Variants in GSDMC observed in about 807,000 individuals in gnomAD.
GSDMC encodes gasdermin-C.
Under a neutral mutation model 58.0 loss-of-function variants are expected in GSDMC, and 59 were observed. The ratio of observed to expected loss-of-function variants is 1.02; its 90% CI spans 0.82 to 1.26. The LOEUF is 1.26. Ranked by LOEUF, GSDMC falls within the 50% of genes most tolerant of loss-of-function variation. The pLI is 0.00. For synonymous variants in GSDMC, 241 were observed against 220.2 expected (o/e 1.09, Z -0.83); for missense variants, 659 against 598.5 (o/e 1.10, Z -1.06).
Position 129,752,779 on chromosome 8 carries a change from T to C in GSDMC, c.763A>G (p.Ser255Gly). The C allele has an allele frequency of 6.2e-7, 1 of 1,614,164 alleles. No homozygotes were observed. Among genetic ancestry groups the C allele is most frequent in the Non-Finnish European group, 8.5e-7 (1 of 1,180,014 alleles). Reference protein sequence around the residue: ...SEMVGYCAARSEGLLPSFHTI... With the variant: ...SEMVGYCAARGEGLLPSFHTI... The stretch of plus-strand genomic sequence containing the variant: ...TGAAATGATGGTAGCAACCCCTCAC[T>C]CCTCGCAGCACAGTAGCCTACCATT... Residue 255 changes from serine to glycine, a missense_variant, in exon 7 of 14, where the codon AGT becomes GGT. By Grantham distance (56) the Ser-to-Gly change is moderately conservative. Transcript: ENST00000276708.
rs896158689 is a variant in GSDMC at position 129,777,224 on chromosome 8, T to A, written c.220+144A>T. On this transcript the variant is annotated intron_variant, in intron 2 of 13. Transcript: ENST00000276708. ...TAATTGGTAGGATTCTCAATTTGTCTTCGTTTCTTGCCCCTTGCCTATAGG... is the reference window on the plus strand; with the variant it reads ...TAATTGGTAGGATTCTCAATTTGTCATCGTTTCTTGCCCCTTGCCTATAGG... 16 of 599,296 alleles carry A rather than the reference T, an allele frequency of 2.7e-5. No individual in the cohort carries two copies. The African/African-American group carries it at 2.8e-4, about 10-fold the overall frequency. The allele number at this position is 599,296 out of a possible 1,614,324, so 37.1% of individuals were successfully genotyped here.
chr8:129,748,371 C>CTTTT lies in GSDMC; in HGVS notation c.*129_*130insAAAA, dbSNP rs2033020728. 6.1e-6 allele frequency: 5 copies of CTTTT among 822,586 alleles called. No homozygotes were observed. Among genetic ancestry groups the CTTTT allele is most frequent in the Non-Finnish European group, 9.3e-6 (5 of 539,504 alleles). 51.0% of individuals were successfully genotyped at this position (822,586 alleles called of 1,614,324 possible). On this transcript the variant is annotated 3_prime_UTR_variant, in exon 14 of 14. Transcript: ENST00000276708. Reference sequence around the variant, plus strand: ...CCCAAAACATTTCCTAAAGTCTCTACCCATTACTGTCTCTACTCCACCTGG... The same window carrying CTTTT: ...CCCAAAACATTTCCTAAAGTCTCTACTTTTCCATTACTGTCTCTACTCCACCTGG...
rs1218368912 is a variant in GSDMC, at chr8:129,765,803, T to C, written c.405-10A>G. On this transcript the variant is annotated splice_polypyrimidine_tract_variant and intron_variant, in intron 3 of 13. Coordinates refer to ENST00000276708, the MANE Select transcript of GSDMC (RefSeq NM_031415.3). ...TGGATCCAACAGTTTCCTGGGGATT[T>C]AAGGAAGGAGGACAAGAGTCAGAGT... 2 of 1,611,530 alleles carry C rather than the reference T, an allele frequency of 1.2e-6. No individual in the cohort carries two copies. The highest frequency in any genetic ancestry group is 3.3e-5 in the Admixed American group (2 of 59,798).
chr8:129,752,885 TAGCAG>T (rs1390718074), intron 6 of GSDMC, 65 bp from the exon 7 acceptor site: 4 of 1,608,716 alleles, frequency 2.5e-6, no homozygotes. Context: ...TGCCTTGTCA[TAGCAG>T]AGAGCAGAGC....
the GSDMC span, chr8:129,729,379 C>T: frequency 2.4e-6 from 1 of 409,554 alleles, no homozygotes; most frequent in Non-Finnish European, 4.5e-6. Flanking sequence ...ATTACATATG[C>T]AGACATGTGC....
At chr8:129,756,604 T>A (rs1472945257) in intron 6 of GSDMC, among the ~76,000 whole-genome samples, 1 of 152,150 alleles carries the variant, frequency 6.6e-6, no homozygotes, top group South Asian at 2.1e-4. Context: ...GAATACACAT[T>A]TTTTTCTCCT....
rs544555954 is a variant in GSDMC at position 129,776,159 on chromosome 8, G to T, written c.347C>A (p.Ser116Tyr). The change falls in exon 3 of 14, where the codon TCC (serine) becomes TAC (tyrosine). Residue 116 changes from serine (S) to tyrosine (Y), a missense_variant. Coordinates refer to ENST00000276708, the MANE Select transcript of GSDMC (RefSeq NM_031415.3). ...SGEASVDHGC[S>Y]LEFQIVTIPS... is the part of the protein sequence containing the mutation. ...GATGGTAACAATTTGAAACTCGAGGGAGCATCCATGGTCCACAGAGGCCTC... is the reference window on the plus strand; with the variant it reads ...GATGGTAACAATTTGAAACTCGAGGTAGCATCCATGGTCCACAGAGGCCTC... 2.5e-6 allele frequency: 4 copies of T among 1,613,898 alleles called. No individual in the cohort carries two copies. In the South Asian group the frequency reaches 4.4e-5, roughly 18 times the overall value.
At chr8:129,713,741 C>G in the GSDMC span, among the ~76,000 whole-genome samples, 1 of 152,224 alleles carries the variant, frequency 6.6e-6, no homozygotes, top group Admixed American at 6.5e-5. Context: ...CCACCATCCC[C>G]CAATAAAAGA....
chr8:129,733,364 T>A, the GSDMC span, among the ~76,000 whole-genome samples: 1 of 152,172 alleles, frequency 6.6e-6, no homozygotes, highest in African/African-American at 2.4e-5. Flanking sequence ...CCTCCTCGAG[T>A]GGGTCCCTGA....
chr8:129,762,427 C>T (rs1222720492), intron 5 of GSDMC, among the ~76,000 whole-genome samples, 199 bp downstream of exon 5: 2 of 152,206 alleles, frequency 1.3e-5, no homozygotes, highest in East Asian at 3.9e-4. Context: ...AGCAGCATTT[C>T]ACCCAGGCCA....
chr8:129,724,823 GGAATACAGGGCCTT>G, the GSDMC span, among the ~76,000 whole-genome samples: 1 of 152,006 alleles, frequency 6.6e-6, no homozygotes, highest in Non-Finnish European at 1.5e-5. Context: ...ACCTATAGAA[GGAATACAGGGCCTT>G]GAAGTATTCA....
At chr8:129,744,111 C>G, downstream of GSDMC, among the ~76,000 whole-genome samples, 1 of 152,208 alleles carries the variant, frequency 6.6e-6, no homozygotes, top group East Asian at 1.9e-4. Flanking sequence ...AACCTCCTAT[C>G]TCTGTGTTGT....
chr8:129,751,827 A>G, intron 9 of GSDMC, 35 bp downstream of exon 9: 1 of 1,587,280 alleles, frequency 6.3e-7, no homozygotes, highest in Non-Finnish European at 8.7e-7. Context: ...GCAGGATGGG[A>G]TCCCCACCCC....
At chr8:129,729,836 C>T in the GSDMC span, 4 of 722,260 alleles carry the variant, frequency 5.5e-6, no homozygotes, top group Non-Finnish European at 2.4e-6. Context: ...GACAGAAAAG[C>T]AAGGCTGCAT....
intron 10 of GSDMC, 27 bp from the exon 11 acceptor site, chr8:129,750,597 GA>G: frequency 6.2e-7 from 1 of 1,608,956 alleles, no homozygotes. Flanking sequence ...ACGCCGACCA[GA>G]AAGTGGGGAC....
chr8:129,781,749 C>CA (rs60219315), intron 1 of GSDMC, among the ~76,000 whole-genome samples: 81,512 of 128,736 alleles, frequency 0.63, 25,604 homozygotes, highest in African/African-American at 0.8. Flanking sequence ...GACTCCATCT[C>CA]AAAAAAAAAA....
downstream of GSDMC, among the ~76,000 whole-genome samples, chr8:129,744,792 G>A (rs1185038953): frequency 1.3e-5 from 2 of 152,178 alleles, no homozygotes; most frequent in African/African-American, 2.4e-5. Flanking sequence ...CTTGTCATAT[G>A]GCCAACCTAG....
At chr8:129,773,514 G>C (rs1038267374) in intron 3 of GSDMC, among the ~76,000 whole-genome samples, 2 of 152,148 alleles carry the variant, frequency 1.3e-5, no homozygotes, top group Non-Finnish European at 2.9e-5. Context: ...GCCGGGCATG[G>C]TGGCTCTCAC....
chr8:129,772,132 G>T (rs1230402306), intron 3 of GSDMC, among the ~76,000 whole-genome samples: 1 of 151,970 alleles, frequency 6.6e-6, no homozygotes, highest in Non-Finnish European at 1.5e-5. Context: ...ATGGTGGCAG[G>T]CGCCTGTAGT....
Sources: allele counts gnomAD v4.1 joint callset (sites outside exome capture counted in the v4.1 genomes callset), GRCh38; gene constraint gnomAD v4.1.1; transcripts MANE v1.5; gene names NCBI Gene and HGNC (gene_info 2026-07-23, HGNC 2026-07-21).